The following CSMD1 variants were observed in gnomAD, a reference collection of about 807,000 sequenced individuals.
The protein encoded by CSMD1 is CUB and Sushi multiple domains 1.
In CSMD1, 213 loss-of-function variants were observed where a neutral mutation model predicts 417.5. That is an observed-to-expected ratio of 0.51 (90% CI 0.46 to 0.57). The LOEUF (loss-of-function observed/expected upper bound fraction) is 0.57. Ranked by LOEUF, CSMD1 falls within the 20% of genes least tolerant of loss-of-function variation. The pLI, the probability that CSMD1 is intolerant of heterozygous loss-of-function variation, is 0.00. For synonymous variants in CSMD1, 2,862 were observed against 1,736.8 expected (o/e 1.65, Z -16.11); for missense variants, 6,923 against 4,529.7 (o/e 1.53, Z -15.17).
At position 3,000,104 on chromosome 8, in the gene CSMD1, A is replaced by G. The variant is rs750677822; in HGVS notation, c.8057T>C (p.Ile2686Thr). Residue 2686 changes from isoleucine (I) to threonine (T), a missense_variant, in exon 53 of 70, where the codon ATT (isoleucine) becomes ACT (threonine). Transcript: ENST00000635120. Reference sequence around the variant, plus strand: ...ATCTCCACTAATGTGACCGTTCACAATCGGGTCTGGGGAACCGCAGTGGCC... The same window carrying G: ...ATCTCCACTAATGTGACCGTTCACAGTCGGGTCTGGGGAACCGCAGTGGCC... ...LAGHCGSPDP[I>T]VNGHISGDGF... 22 of 1,572,012 alleles carry G rather than the reference A, an allele frequency of 1.4e-5. No individual in the cohort carries two copies. The East Asian group carries it at 2.5e-4, about 18-fold the overall frequency.
At chr8:3,649,203 A>T (rs17066769) in intron 7 of CSMD1, among the ~76,000 whole-genome samples, 1 of 152,086 alleles carries the variant, frequency 6.6e-6, no homozygotes, top group Admixed American at 6.5e-5. Flanking sequence ...TACTGATACC[A>T]TAAGTCTTCC....
At chr8:3,612,747 A>G (rs970380449) in intron 8 of CSMD1, among the ~76,000 whole-genome samples, 14 of 152,262 alleles carry the variant, frequency 9.2e-5, no homozygotes, top group African/African-American at 3.1e-4. Context: ...AAAACACAGC[A>G]TATCAAAATT....
intron 41 of CSMD1, among the ~76,000 whole-genome samples, chr8:3,122,737 GATTCTC>G (rs1459014807): frequency 6.6e-6 from 1 of 151,114 alleles, no homozygotes; most frequent in African/African-American, 2.5e-5. Flanking sequence ...CTCCCACCAT[GATTCTC>G]AGCTCCCCCG....
intron 3 of CSMD1, among the ~76,000 whole-genome samples, chr8:4,043,093 C>G (rs2912273): frequency 0.49 from 75,068 of 151,780 alleles, 18,966 homozygotes; most frequent in South Asian, 0.6. Context: ...AATTGCACCA[C>G]TGCACTTCCA....
At chr8:4,542,990 T>C (rs1364773598) in intron 2 of CSMD1, among the ~76,000 whole-genome samples, 1 of 152,214 alleles carries the variant, frequency 6.6e-6, no homozygotes, top group South Asian at 2.1e-4. Context: ...GTTTTACAAA[T>C]TGATAGTCTA....
intron 12 of CSMD1, among the ~76,000 whole-genome samples, chr8:3,461,092 G>T (rs532218364): frequency 1.3e-5 from 2 of 152,190 alleles, no homozygotes; most frequent in African/African-American, 2.4e-5. Context: ...GGGCCTCACC[G>T]CAGACTCAGG....
chr8:3,701,964 T>G (rs563834499), intron 7 of CSMD1, among the ~76,000 whole-genome samples: 5 of 152,228 alleles, frequency 3.3e-5, no homozygotes, highest in African/African-American at 1.2e-4. Flanking sequence ...CATTCTGTTT[T>G]GCTTCAGGTC....
At chr8:4,053,168 C>T (rs572030503) in intron 3 of CSMD1, among the ~76,000 whole-genome samples, 2 of 152,260 alleles carry the variant, frequency 1.3e-5, no homozygotes, top group Admixed American at 6.5e-5. Flanking sequence ...ATCTGAACTA[C>T]AGGTGCAAAT....
At chr8:3,955,507 C>T (rs991465375) in intron 5 of CSMD1, among the ~76,000 whole-genome samples, 1 of 152,286 alleles carries the variant, frequency 6.6e-6, no homozygotes, top group Non-Finnish European at 1.5e-5. Flanking sequence ...ATGTTTGAAG[C>T]TGTCAGCCAA....
At chr8:3,016,120 T>C (rs1370044976) in intron 52 of CSMD1, among the ~76,000 whole-genome samples, 1 of 152,198 alleles carries the variant, frequency 6.6e-6, no homozygotes, top group Non-Finnish European at 1.5e-5. Context: ...TCCTGTACGT[T>C]CTAATCAGAT....
intron 3 of CSMD1, among the ~76,000 whole-genome samples, chr8:4,329,452 T>C (rs1393930539): frequency 6.6e-6 from 1 of 152,090 alleles, no homozygotes; most frequent in African/African-American, 2.4e-5. Context: ...GCACACTGGC[T>C]AATTTTTGTA....
chr8:4,467,339 G>T (rs538629174), intron 2 of CSMD1, among the ~76,000 whole-genome samples: 2 of 152,162 alleles, frequency 1.3e-5, no homozygotes, highest in African/African-American at 2.4e-5. Flanking sequence ...ACCCATTACT[G>T]AATGTGTAAT....
Position 2,937,442 on chromosome 8 carries a change from AAAAAAAAAAAC to A in CSMD1, c.*1132_*1142del, listed in dbSNP as rs1293538300. 4.1e-4 allele frequency: 32 copies of A among 77,668 alleles called. No homozygotes were observed. Among genetic ancestry groups the A allele is most frequent in the African/African-American group, 1.4e-3 (32 of 23,544 alleles). The allele number at this position is 77,668 out of a possible 1,614,324, so 4.8% of individuals were successfully genotyped here. A position where few individuals can be genotyped will look rare whatever the true frequency, so the allele number is the denominator to read the frequency against. ...ATCGATGGCACAGTAAAAGACAAAA[AAAAAAAAAAAC>A]AAAAAAAAAACACTGCAAAAGGGAA... is the stretch of plus-strand genomic sequence containing the variant. On this transcript the variant is annotated 3_prime_UTR_variant, in exon 70 of 70. Transcript: ENST00000635120.
chr8:4,394,096 G>A (rs1483630341), intron 3 of CSMD1, among the ~76,000 whole-genome samples: 1 of 152,068 alleles, frequency 6.6e-6, no homozygotes, highest in Non-Finnish European at 1.5e-5. Flanking sequence ...TCCTCTCAGA[G>A]CACTAACGAT....
chr8:4,537,662 T>A (rs1217812869), intron 2 of CSMD1, among the ~76,000 whole-genome samples: 2 of 152,194 alleles, frequency 1.3e-5, no homozygotes, highest in African/African-American at 4.8e-5. Flanking sequence ...TTTGCATTAC[T>A]TTCATTCTTC....
chr8:4,780,709 T>C (rs117641758), intron 1 of CSMD1, among the ~76,000 whole-genome samples: 1 of 152,252 alleles, frequency 6.6e-6, no homozygotes, highest in South Asian at 2.1e-4. Flanking sequence ...GTCTTTTATT[T>C]CTGACCCCCT....
intron 3 of CSMD1, among the ~76,000 whole-genome samples, chr8:4,402,800 CTTTTTTT>C (rs60965667): frequency 2.1e-4 from 19 of 89,370 alleles, no homozygotes; most frequent in South Asian, 1.5e-3. Flanking sequence ...TCACTTTTTT[CTTTTTTT>C]TTTTTTTTTT....
intron 3 of CSMD1, among the ~76,000 whole-genome samples, chr8:4,342,161 C>T (rs1029484283): frequency 4.6e-5 from 7 of 151,878 alleles, no homozygotes; most frequent in South Asian, 2.1e-4. Flanking sequence ...TCTACCAAGC[C>T]ACATTCTTAC....
At chr8:3,014,757 A>G (rs1017680595) in intron 52 of CSMD1, among the ~76,000 whole-genome samples, 2 of 152,054 alleles carry the variant, frequency 1.3e-5, no homozygotes, top group Non-Finnish European at 2.9e-5. Context: ...TACAAAACAA[A>G]TTGTAAATAG....
Sources: allele counts gnomAD v4.1 joint callset (sites outside exome capture counted in the v4.1 genomes callset), GRCh38; gene constraint gnomAD v4.1.1; transcripts MANE v1.5; gene names NCBI Gene and HGNC (gene_info 2026-07-23, HGNC 2026-07-21).